The following BIK variants were observed in gnomAD, a reference collection of about 807,000 sequenced individuals.
The protein encoded by BIK is BCL2 interacting killer.
A neutral mutation model predicts 12.1 loss-of-function variants in BIK; 14 were observed. The observed-to-expected ratio is 1.16, with a 90% confidence interval of 0.77 to 1.81. BIK has a LOEUF of 1.81. Among genes scored for constraint, BIK ranks in the 40% most tolerant of loss-of-function variants. BIK has a pLI of 0.00. For missense variants in BIK, 215 were observed against 207.9 expected (o/e 1.03, Z -0.21); for synonymous variants, 86 against 92.3 (o/e 0.93, Z 0.39).
In BIK at chr22:43,127,701, G is replaced by C; in HGVS notation, c.166G>C (p.Ala56Pro). 2 of 1,553,626 alleles carry C rather than the reference G, an allele frequency of 1.3e-6. No individual in the cohort carries two copies. Among genetic ancestry groups the C allele is most frequent in the Non-Finnish European group, 1.7e-6 (2 of 1,149,002 alleles). ...DSLECMEGSD[A>P]LALRLACIGD... is the part of the protein sequence containing the mutation. ...TCCTGTGTGTGCTCCCTGCAGTGACGCATTGGCCCTGCGGCTGGCCTGCAT... is the reference window on the plus strand; with the variant it reads ...TCCTGTGTGTGCTCCCTGCAGTGACCCATTGGCCCTGCGGCTGGCCTGCAT... Residue 56 changes from alanine to proline, a missense_variant, in exon 3 of 5, where the codon GCA becomes CCA. By Grantham distance (27) the Ala-to-Pro change is conservative. Transcript: ENST00000216115.
In BIK at chr22:43,114,846, G is replaced by A. The variant is rs1294166000; in HGVS notation, c.-8+4043G>A. On this transcript the variant is annotated intron_variant, in intron 1 of 4. Transcript: ENST00000216115. ...GCACTTACTGCATACCATGCATGCA[G>A]CATTTCACCTCCTTCTCAGGGCTAC... Among the ~76,000 whole-genome samples, 10 of 152,344 alleles carry A rather than the reference G, an allele frequency of 6.6e-5. No homozygotes were observed. The East Asian group carries it at 1.9e-3, about 29-fold the overall frequency.
chr22:43,112,240 C>T (rs567161329), intron 1 of BIK, among the ~76,000 whole-genome samples: 1 of 152,182 alleles, frequency 6.6e-6, no homozygotes, highest in Non-Finnish European at 1.5e-5. Context: ...CTCTTGTTGC[C>T]CAGGCTGGAG....
At chr22:43,119,578 G>C (rs1434025159) in intron 1 of BIK, among the ~76,000 whole-genome samples, 1 of 151,582 alleles carries the variant, frequency 6.6e-6, no homozygotes, top group African/African-American at 2.4e-5. Flanking sequence ...ATGGAGTCTT[G>C]CCCTGTAGCC....
chr22:43,112,571 C>T (rs1930032468), intron 1 of BIK, among the ~76,000 whole-genome samples: 1 of 142,982 alleles, frequency 7.0e-6, no homozygotes, highest in African/African-American at 2.6e-5. Flanking sequence ...ATGCCTGGCC[C>T]TTTTTTTTTT....
rs754646025 is a variant in BIK at position 43,127,742 on chromosome 22, C to T, written c.207C>T (p.Asp69=). 2.1e-5 allele frequency: 33 copies of T among 1,554,872 alleles called. No homozygotes were observed. The highest frequency in any genetic ancestry group is 2.7e-5 in the African/African-American group (2 of 73,390). Residue 69 remains aspartate (D), a synonymous_variant, in exon 3 of 5, where the codon GAC becomes GAT. Coordinates refer to ENST00000216115, the MANE Select transcript of BIK (RefSeq NM_001197.5). The part of the protein sequence containing the change: ...LRLACIGDEM[D]VSLRAPRLAQ... ...TGGCCTGCATCGGGGACGAGATGGACGTGAGCCTCAGGGCCCCGCGCCTGG... is the reference window on the plus strand; with the variant it reads ...TGGCCTGCATCGGGGACGAGATGGATGTGAGCCTCAGGGCCCCGCGCCTGG...
chr22:43,123,762 G>A (rs1211363633), intron 1 of BIK, among the ~76,000 whole-genome samples: 3 of 152,138 alleles, frequency 2.0e-5, no homozygotes, highest in Non-Finnish European at 4.4e-5. Flanking sequence ...AAGAAAGAAA[G>A]AAAGGGCCCT....
At chr22:43,128,866 G>A (rs557753050) in intron 4 of BIK, among the ~76,000 whole-genome samples, 13 of 152,328 alleles carry the variant, frequency 8.5e-5, no homozygotes, top group Admixed American at 2.6e-4. Context: ...CAGGACTCCC[G>A]TCTCCTGGCC....
chr22:43,124,160 TTC>T lies in BIK; in HGVS notation c.140_141del (p.Ser47PhefsTer8). 6.2e-7 allele frequency: 1 copy of T among 1,614,094 alleles called. No individual in the cohort carries two copies. The highest frequency in any genetic ancestry group is 8.5e-7 in the Non-Finnish European group (1 of 1,180,006). On this transcript the variant is annotated frameshift_variant, in exon 2 of 5. Coordinates refer to ENST00000216115, the MANE Select transcript of BIK (RefSeq NM_001197.5). LOFTEE classifies it high-confidence loss of function. ...EDLDPMEDFD[S>X]LECMEGSDAL... ...ACCTGGACCCTATGGAGGACTTCGA[TTC>T]TTTGGAATGCATGGAGGGCAGGTAG...
intron 1 of BIK, among the ~76,000 whole-genome samples, chr22:43,122,148 G>A (rs1930232476): frequency 6.6e-6 from 1 of 152,206 alleles, no homozygotes; most frequent in South Asian, 2.1e-4. Context: ...TGGGGGTCAG[G>A]GAGACTTGGA....
intron 1 of BIK, among the ~76,000 whole-genome samples, chr22:43,114,829 T>C (rs191134143): frequency 6.6e-6 from 1 of 152,352 alleles, no homozygotes; most frequent in Admixed American, 6.5e-5. Context: ...GGGCACTTAC[T>C]GCATACCATG....
chr22:43,129,120 CT>C lies in BIK; in HGVS notation c.391-92del. 4 of 1,593,414 alleles carry C rather than the reference CT, an allele frequency of 2.5e-6. No homozygotes were observed. In the Admixed American group the frequency reaches 6.7e-5, roughly 27 times the overall value. On this transcript the variant is annotated intron_variant, in intron 4 of 4. Transcript: ENST00000216115. ...CTCGAGCTCCTTCCCAGTCCCCACC[CT>C]CCTGGGCTTCCCCTTGGCACTCCGC...
chr22:43,122,142 G>T (rs1930232294), intron 1 of BIK, among the ~76,000 whole-genome samples: 1 of 152,168 alleles, frequency 6.6e-6, no homozygotes, highest in East Asian at 1.9e-4. Context: ...CTCTCCTGGG[G>T]GTCAGGGAGA....
rs1253350310 is a variant in BIK, at chr22:43,129,519, T to G, written c.*214T>G. ...GTTTTTTCTAAAAGATGAATTCCTA[T>G]GGCTCTGCAATTGTCACCGGTTAAC... is the stretch of plus-strand genomic sequence containing the variant. On this transcript the variant is annotated 3_prime_UTR_variant, in exon 5 of 5. Coordinates refer to ENST00000216115, the MANE Select transcript of BIK (RefSeq NM_001197.5). 2.5e-6 allele frequency: 2 copies of G among 785,314 alleles called. No homozygotes were observed. The highest frequency in any genetic ancestry group is 1.9e-6 in the Non-Finnish European group (1 of 517,484). 48.6% of individuals were successfully genotyped at this position (785,314 alleles called of 1,614,324 possible).
chr22:43,115,049 C>T (rs1396554839), intron 1 of BIK, among the ~76,000 whole-genome samples: 8 of 152,232 alleles, frequency 5.3e-5, no homozygotes, highest in Non-Finnish European at 1.2e-4. Flanking sequence ...CCGGCTTTCA[C>T]TGGGTCCCTG....
chr22:43,129,226 A>AGGTGCTGCT lies in BIK; in HGVS notation c.407_415dup (p.Val136_Leu138dup). The AGGTGCTGCT allele has an allele frequency of 1.2e-6, 2 of 1,604,790 alleles. No individual in the cohort carries two copies. The highest frequency in any genetic ancestry group is 1.7e-6 in the Non-Finnish European group (2 of 1,179,776). On this transcript the variant is annotated inframe_insertion, in exon 5 of 5. Coordinates refer to ENST00000216115, the MANE Select transcript of BIK (RefSeq NM_001197.5). ...TTGCTCCCACAGGTGTCCTGCGAAC[A>AGGTGCTGCT]GGTGCTGCTGGCGCTGCTGCTGCTG... is the stretch of plus-strand genomic sequence containing the variant.
rs757446636 is a variant in BIK at position 43,129,271 on chromosome 22, T to C, written c.449T>C (p.Leu150Pro). Residue 150 changes from leucine to proline, a missense_variant, in exon 5 of 5, where the codon CTG becomes CCG. Transcript: ENST00000216115. ...LLLLLALLLPLLSGGLHLLLK is the reference protein window; with the variant it reads ...LLLLLALLLPPLSGGLHLLLK ...CTGCTGCTGGCGCTGCTGCTGCCGC[T>C]GCTCAGCGGGGGCCTGCACCTGCTG... 6 of 1,602,088 alleles carry C rather than the reference T, an allele frequency of 3.7e-6. No individual in the cohort carries two copies. Among genetic ancestry groups the C allele is most frequent in the South Asian group, 1.1e-5 (1 of 91,038 alleles).
At chr22:43,125,226 G>A (rs931785357) in intron 2 of BIK, among the ~76,000 whole-genome samples, 7 of 152,142 alleles carry the variant, frequency 4.6e-5, no homozygotes, top group Admixed American at 2.0e-4. Flanking sequence ...CGTCTTTGCC[G>A]AATCCTGTTT....
At chr22:43,128,681 A>G in intron 4 of BIK, 56 bp downstream of exon 4, 1 of 1,555,036 alleles carries the variant, frequency 6.4e-7, no homozygotes, top group Non-Finnish European at 8.7e-7. Context: ...GGGGGCTGTC[A>G]GAGCCGCTCC....
At chr22:43,123,154 T>C (rs1476156716) in intron 1 of BIK, among the ~76,000 whole-genome samples, 3 of 152,098 alleles carry the variant, frequency 2.0e-5, no homozygotes, top group Non-Finnish European at 4.4e-5. Context: ...TGAAGAAGGA[T>C]GTGTGATGCG....
Sources: allele counts gnomAD v4.1 joint callset (sites outside exome capture counted in the v4.1 genomes callset), GRCh38; gene constraint gnomAD v4.1.1; transcripts MANE v1.5; gene names NCBI Gene and HGNC (gene_info 2026-07-23, HGNC 2026-07-21).